Variants in CNTNAP2 observed in about 807,000 individuals in gnomAD.
CNTNAP2 encodes contactin associated protein 2, also known as contactin-associated protein-like 2.
A neutral mutation model predicts 155.2 loss-of-function variants in CNTNAP2; 98 were observed. The observed-to-expected ratio is 0.63, with a 90% CI of 0.54 to 0.75. The LOEUF (loss-of-function observed/expected upper bound fraction) is 0.75, where lower values mean the gene tolerates loss of function less well. Ranked by LOEUF, CNTNAP2 falls within the 30% of genes least tolerant of loss-of-function variation. The pLI, the probability that CNTNAP2 is intolerant of heterozygous loss-of-function variation, is 0.00. For synonymous variants in CNTNAP2, 651 were observed against 631.2 expected, an observed-to-expected ratio of 1.03 and a Z score of -0.47; for missense variants, 1,727 against 1,688.1, an observed-to-expected ratio of 1.02 and a Z score of -0.40.
chr7:147,852,662 T>C (rs561778260), intron 13 of CNTNAP2, among the ~76,000 whole-genome samples: 34 of 152,352 alleles, frequency 2.2e-4, no homozygotes, highest in Admixed American at 3.9e-4. Flanking sequence ...TTCAAATCTG[T>C]ACCAGGTAAT....
Position 146,177,774 on chromosome 7 carries a change from A to G in CNTNAP2, c.97+60801A>G, listed in dbSNP as rs1043536402. Reference sequence around the variant, plus strand: ...TCCTTTGGCTCTTCCCTCTTTTGTTATTTACAATATTGGGTGCATTCTCAT... The same window carrying G: ...TCCTTTGGCTCTTCCCTCTTTTGTTGTTTACAATATTGGGTGCATTCTCAT... On this transcript the variant is annotated intron_variant, in intron 1 of 23. Transcript: ENST00000361727. Among the ~76,000 whole-genome samples the G allele has an allele frequency of 3.3e-5, 5 of 152,126 alleles. No homozygotes were observed. The East Asian group carries it at 9.7e-4, about 29-fold the overall frequency.
At chr7:147,605,850 G>C (rs1801051910) in intron 12 of CNTNAP2, among the ~76,000 whole-genome samples, 1 of 151,864 alleles carries the variant, frequency 6.6e-6, no homozygotes, top group South Asian at 2.1e-4. Context: ...GTGGACCCCA[G>C]CACCTCCTTT....
intron 1 of CNTNAP2, among the ~76,000 whole-genome samples, chr7:146,430,752 C>T (rs1050700265): frequency 1.3e-5 from 2 of 151,976 alleles, no homozygotes; most frequent in Non-Finnish European, 2.9e-5. Context: ...CAAATAATTG[C>T]ACGTTTTGAG....
At chr7:146,971,021 T>G (rs968353358) in intron 3 of CNTNAP2, among the ~76,000 whole-genome samples, 4 of 151,984 alleles carry the variant, frequency 2.6e-5, no homozygotes, top group African/African-American at 4.8e-5. Context: ...TGAGAACACA[T>G]GGACACAGGA....
At chr7:148,228,402 G>C (rs925315955) in intron 19 of CNTNAP2, among the ~76,000 whole-genome samples, 1 of 152,116 alleles carries the variant, frequency 6.6e-6, no homozygotes, top group African/African-American at 2.4e-5. Flanking sequence ...AACTATCATT[G>C]AGGGCAAAAA....
intron 1 of CNTNAP2, among the ~76,000 whole-genome samples, chr7:146,698,254 ACT>A (rs1267051056): frequency 2.6e-5 from 4 of 151,764 alleles, no homozygotes; most frequent in African/African-American, 9.7e-5. Context: ...TTTCTTAAAT[ACT>A]CTTTCTTTAT....
At chr7:147,040,166 G>C (rs1164916627) in intron 3 of CNTNAP2, among the ~76,000 whole-genome samples, 1 of 152,082 alleles carries the variant, frequency 6.6e-6, no homozygotes, top group Admixed American at 6.5e-5. Context: ...CTTTTCAAAA[G>C]TGGCCAACAA....
chr7:147,246,497 A>G (rs977924237), intron 8 of CNTNAP2, among the ~76,000 whole-genome samples: 5 of 152,138 alleles, frequency 3.3e-5, no homozygotes, highest in Non-Finnish European at 7.3e-5. Context: ...CTTGGTTAGT[A>G]GAGAGTTGTC....
chr7:146,732,443 A>T (rs1801542069), intron 1 of CNTNAP2, among the ~76,000 whole-genome samples: 2 of 152,124 alleles, frequency 1.3e-5, no homozygotes, highest in East Asian at 1.9e-4. Context: ...TGTATGTCAG[A>T]TGCTTTTCTC....
intron 9 of CNTNAP2, among the ~76,000 whole-genome samples, chr7:147,306,651 G>A: frequency 6.6e-6 from 1 of 152,160 alleles, no homozygotes. Flanking sequence ...GTTACATTTG[G>A]GTCCTTACAC....
chr7:148,111,593 T>C (rs548652648), intron 15 of CNTNAP2, among the ~76,000 whole-genome samples: 5 of 152,104 alleles, frequency 3.3e-5, no homozygotes, highest in Admixed American at 6.5e-5. Flanking sequence ...GAGAAATTAT[T>C]AAAGTCTCAG....
Position 146,252,059 on chromosome 7 carries a change from A to T in CNTNAP2, c.97+135086A>T, listed in dbSNP as rs541100469. On this transcript the variant is annotated intron_variant, in intron 1 of 23. Transcript: ENST00000361727. Reference sequence around the variant, plus strand: ...TGATTCCAGGAGCCCAGAGTGAAGCAGCAGCCACTATCCTGCAGTTTTCAA... The same window carrying T: ...TGATTCCAGGAGCCCAGAGTGAAGCTGCAGCCACTATCCTGCAGTTTTCAA... Among the ~76,000 whole-genome samples the T allele has an allele frequency of 5.3e-5, 8 of 152,330 alleles. No homozygotes were observed. In the South Asian group the frequency reaches 1.7e-3, roughly 32 times the overall value.
At chr7:148,084,423 A>G (rs1235282387) in intron 15 of CNTNAP2, among the ~76,000 whole-genome samples, 2 of 152,214 alleles carry the variant, frequency 1.3e-5, no homozygotes, top group African/African-American at 2.4e-5. Context: ...AGAATGTCAC[A>G]GGTCGGAAGC....
chr7:147,408,705 C>G (rs11770339), intron 10 of CNTNAP2, among the ~76,000 whole-genome samples: 1 of 151,996 alleles, frequency 6.6e-6, no homozygotes. Flanking sequence ...TTGCAGTGAG[C>G]GAAGATTGTG....
chr7:146,224,449 A>C (rs1165852146), intron 1 of CNTNAP2, among the ~76,000 whole-genome samples: 1 of 149,604 alleles, frequency 6.7e-6, no homozygotes, highest in African/African-American at 2.5e-5. Context: ...AAAAAAACCC[A>C]AAAAACTAAG....
chr7:146,991,269 A>T (rs1798203692), intron 3 of CNTNAP2, among the ~76,000 whole-genome samples: 1 of 152,158 alleles, frequency 6.6e-6, no homozygotes, highest in African/African-American at 2.4e-5. Flanking sequence ...AATACCATTA[A>T]TTTTTAAATA....
chr7:147,097,822 G>T lies in CNTNAP2; in HGVS notation c.551-10325G>T, dbSNP rs140715897. Among the ~76,000 whole-genome samples the T allele has an allele frequency of 1.0e-3, 152 of 152,296 alleles. 1 individual carries two copies. The highest frequency in any genetic ancestry group is 3.5e-3 in the African/African-American group (147 of 41,556). On this transcript the variant is annotated intron_variant, in intron 4 of 23. Transcript: ENST00000361727. ...GGGAAAATGAATTCGAATATGTAGC[G>T]TGTTTCAAAGAGGAATTTTTGACAT... is the stretch of plus-strand genomic sequence containing the variant.
Position 146,726,127 on chromosome 7 carries a change from G to C in CNTNAP2, c.98-48144G>C, listed in dbSNP as rs73740824. Among the ~76,000 whole-genome samples the C allele has an allele frequency of 9.8e-3, 1,488 of 152,132 alleles. 31 individuals are homozygous for C. Among genetic ancestry groups the C allele is most frequent in the African/African-American group, 0.034 (1,415 of 41,470 alleles). ...CAACGATTACATTTTATATTAATAG[G>C]CATCTTTTTTAACATTTAAGGTATT... On this transcript the variant is annotated intron_variant, in intron 1 of 23. Transcript: ENST00000361727.
chr7:146,519,974 T>C (rs1283763295), intron 1 of CNTNAP2, among the ~76,000 whole-genome samples: 3 of 151,768 alleles, frequency 2.0e-5, no homozygotes, highest in Admixed American at 1.3e-4. Flanking sequence ...AAAATTTATA[T>C]AAAAATCATA....
Sources: gnomAD v4.1 joint callset for allele counts (sites outside exome capture counted in the v4.1 genomes callset) on GRCh38, gnomAD v4.1.1 for gene constraint, MANE v1.5 for transcripts, NCBI Gene and HGNC (gene_info 2026-07-23, HGNC 2026-07-21) for gene names.